EIF4G3: variants seen among roughly 807,000 people sequenced by gnomAD.
EIF4G3 encodes the protein eukaryotic translation initiation factor 4 gamma 3.
EIF4G3 carries 34 observed loss-of-function variants against 186.4 expected under a neutral mutation model. The ratio of observed to expected loss-of-function variants is 0.18; its 90% CI spans 0.14 to 0.24. The LOEUF (loss-of-function observed/expected upper bound fraction) is 0.24. Among genes scored for constraint, EIF4G3 ranks in the 10% least tolerant of loss-of-function variants. The pLI is 1.00. For missense variants in EIF4G3, 1,536 were observed against 1,948.5 expected (o/e 0.79, Z 3.99); for synonymous variants, 673 against 679.5 (o/e 0.99, Z 0.15).
At chr1:21,072,565 G>A (rs1189418674) in intron 3 of EIF4G3, among the ~76,000 whole-genome samples, 5 of 152,006 alleles carry the variant, frequency 3.3e-5, no homozygotes, top group South Asian at 2.1e-4. Flanking sequence ...CACCACGCCC[G>A]GCTAATTGTT....
intron 2 of EIF4G3, among the ~76,000 whole-genome samples, chr1:21,171,313 A>T (rs959961490): frequency 6.6e-6 from 1 of 152,208 alleles, no homozygotes; most frequent in East Asian, 1.9e-4. Flanking sequence ...GCACCACGGG[A>T]GTTTATTCCA....
At position 20,954,623 on chromosome 1, in the gene EIF4G3, C is replaced by T. The variant is rs79707028; in HGVS notation, c.715-4512G>A. Among the ~76,000 whole-genome samples, 708 of 150,428 alleles carry T rather than the reference C, an allele frequency of 4.7e-3. 7 individuals are homozygous for T. Among genetic ancestry groups the T allele is most frequent in the African/African-American group, 0.014 (573 of 40,996 alleles). ...ACTACCAAAACATGCTTCTTTCTTA[C>T]GTAGGAATTTCTCCCATTCTCTCAT... is the stretch of plus-strand genomic sequence containing the variant. On this transcript the variant is annotated intron_variant, in intron 12 of 36. Coordinates refer to ENST00000602326, the MANE Select transcript of EIF4G3 (RefSeq NM_001391906.1).
chr1:20,975,878 C>T (rs943744361), intron 10 of EIF4G3, among the ~76,000 whole-genome samples: 2 of 151,408 alleles, frequency 1.3e-5, no homozygotes, highest in Non-Finnish European at 2.9e-5. Flanking sequence ...TGGAAGACAC[C>T]CACGTACAGT....
At chr1:20,879,589 T>A in intron 19 of EIF4G3, 69 bp from the exon 20 acceptor site, 1 of 970,686 alleles carries the variant, frequency 1.0e-6, no homozygotes, top group Non-Finnish European at 1.4e-6. Flanking sequence ...CTGTAATGAT[T>A]AATTTTAAAA....
intron 2 of EIF4G3, among the ~76,000 whole-genome samples, chr1:21,109,025 T>C (rs1286147415): frequency 6.6e-6 from 1 of 151,664 alleles, no homozygotes; most frequent in Non-Finnish European, 1.5e-5. Flanking sequence ...TGAGGCCAGT[T>C]TGGCCAACAT....
chr1:20,979,822 C>G (rs1187063977), intron 10 of EIF4G3, among the ~76,000 whole-genome samples: 1 of 151,078 alleles, frequency 6.6e-6, no homozygotes, highest in Non-Finnish European at 1.5e-5. Flanking sequence ...GTGATCTCGG[C>G]TCACTGCAAG....
intron 17 of EIF4G3, 52 bp from the exon 18 acceptor site, chr1:20,893,688 C>T: frequency 2.1e-6 from 3 of 1,427,036 alleles, no homozygotes; most frequent in Non-Finnish European, 2.8e-6. Flanking sequence ...GCATTCCCTG[C>T]CACAAAAGAT....
chr1:20,886,110 G>A, intron 19 of EIF4G3, 91 bp downstream of exon 19: 5 of 1,399,798 alleles, frequency 3.6e-6, no homozygotes, highest in South Asian at 2.8e-5. Context: ...GTCTTAAACT[G>A]ATTATCTCTA....
intron 30 of EIF4G3, among the ~76,000 whole-genome samples, chr1:20,830,209 G>A (rs908870580): frequency 6.6e-6 from 1 of 152,114 alleles, no homozygotes; most frequent in African/African-American, 2.4e-5. Flanking sequence ...GCAGTTCCAG[G>A]TTCTAGCCAA....
intron 16 of EIF4G3, among the ~76,000 whole-genome samples, chr1:20,896,602 T>C (rs1012625378): frequency 1.3e-5 from 2 of 152,136 alleles, no homozygotes; most frequent in South Asian, 4.1e-4. Flanking sequence ...AATTCATTAT[T>C]AGAGAAAGTA....
chr1:20,947,576 G>A (rs2096018837), intron 13 of EIF4G3, among the ~76,000 whole-genome samples: 1 of 133,572 alleles, frequency 7.5e-6, no homozygotes, highest in Non-Finnish European at 1.7e-5. Flanking sequence ...GAACGAGAGA[G>A]CAAGAGAAAG....
intron 4 of EIF4G3, among the ~76,000 whole-genome samples, chr1:21,033,586 G>C (rs1163972269): frequency 2.6e-5 from 4 of 152,174 alleles, no homozygotes; most frequent in Non-Finnish European, 4.4e-5. Context: ...CGTGGAATAA[G>C]GTTCAATTTA....
chr1:20,896,380 G>A (rs2088043645), intron 16 of EIF4G3, among the ~76,000 whole-genome samples: 1 of 147,114 alleles, frequency 6.8e-6, no homozygotes. Flanking sequence ...AGGCTGCAGT[G>A]AGCTATGATT....
intron 20 of EIF4G3, among the ~76,000 whole-genome samples, chr1:20,867,294 A>G (rs566352409): frequency 6.6e-6 from 1 of 152,352 alleles, no homozygotes; most frequent in Non-Finnish European, 1.5e-5. Flanking sequence ...TCACAAAATC[A>G]GAAACTGAAT....
At chr1:21,042,482 T>C (rs1443958480) in intron 4 of EIF4G3, among the ~76,000 whole-genome samples, 1 of 152,186 alleles carries the variant, frequency 6.6e-6, no homozygotes, top group African/African-American at 2.4e-5. Flanking sequence ...TCACAGTTCT[T>C]AGTTCTATAA....
intron 7 of EIF4G3, among the ~76,000 whole-genome samples, chr1:20,988,939 G>A (rs1183195888): frequency 2.0e-5 from 3 of 150,132 alleles, no homozygotes; most frequent in Non-Finnish European, 4.4e-5. Flanking sequence ...AGTGGTGTAC[G>A]ACTGGAGTCC....
At chr1:20,919,354 G>A (rs893542831) in intron 14 of EIF4G3, among the ~76,000 whole-genome samples, 1 of 152,052 alleles carries the variant, frequency 6.6e-6, no homozygotes, top group Non-Finnish European at 1.5e-5. Flanking sequence ...AAGTACAGGT[G>A]CATGCCACCA....
intron 6 of EIF4G3, among the ~76,000 whole-genome samples, chr1:21,000,003 G>A (rs2083150227): frequency 6.6e-6 from 1 of 151,762 alleles, no homozygotes; most frequent in Non-Finnish European, 1.5e-5. Flanking sequence ...ACATAACATT[G>A]ATGTAATTTT....
At chr1:20,961,122 C>T (rs1005810286) in intron 12 of EIF4G3, among the ~76,000 whole-genome samples, 7 of 152,082 alleles carry the variant, frequency 4.6e-5, no homozygotes, top group African/African-American at 1.4e-4. Context: ...TGGTGGCTCA[C>T]GCCTGTAATC....
Sources: allele counts gnomAD v4.1 joint callset (sites outside exome capture counted in the v4.1 genomes callset), GRCh38; gene constraint gnomAD v4.1.1; transcripts MANE v1.5; gene names NCBI Gene and HGNC (gene_info 2026-07-23, HGNC 2026-07-21).